The following GNAI1 variants were observed in gnomAD, a reference collection of about 807,000 sequenced individuals.
GNAI1 encodes guanine nucleotide-binding protein G(i) subunit alpha-1.
Under a neutral mutation model 38.9 loss-of-function variants are expected in GNAI1, and 11 were observed. The observed-to-expected ratio is 0.28, with a 90% CI of 0.18 to 0.47. The LOEUF (loss-of-function observed/expected upper bound fraction) is 0.47. Ranked by LOEUF, GNAI1 falls within the 20% of genes least tolerant of loss-of-function variation. GNAI1 has a pLI of 0.99. For synonymous variants in GNAI1, 166 were observed against 145.1 expected (o/e 1.14, Z -1.04); for missense variants, 317 against 436.9 (o/e 0.73, Z 2.45).
intron 5 of GNAI1, among the ~76,000 whole-genome samples, chr7:80,208,205 G>A (rs910173426): frequency 6.6e-6 from 1 of 152,040 alleles, no homozygotes; most frequent in African/African-American, 2.4e-5. Flanking sequence ...CATTTCCTAT[G>A]TGATGTTGGT....
intron 1 of GNAI1, among the ~76,000 whole-genome samples, chr7:80,137,285 T>C (rs111482819): frequency 0.013 from 825 of 65,348 alleles, 10 homozygotes; most frequent in Non-Finnish European, 0.029. Flanking sequence ...TATTTCTTTT[T>C]CTTTTTTCTT....
At chr7:80,200,928 C>T (rs188538128) in intron 4 of GNAI1, among the ~76,000 whole-genome samples, 4 of 152,210 alleles carry the variant, frequency 2.6e-5, no homozygotes, top group Admixed American at 2.0e-4. Flanking sequence ...TTAGGTACTC[C>T]TAATGTACTT....
At chr7:80,149,839 T>G (rs569984989) in intron 1 of GNAI1, among the ~76,000 whole-genome samples, 192 of 152,312 alleles carry the variant, frequency 1.3e-3, no homozygotes, top group African/African-American at 4.5e-3. Context: ...TTACATAATT[T>G]TATATGCCTT....
chr7:80,192,249 C>T (rs1054277913), intron 3 of GNAI1, among the ~76,000 whole-genome samples: 36 of 152,128 alleles, frequency 2.4e-4, no homozygotes, highest in African/African-American at 7.9e-4. Flanking sequence ...TTTAAATTCT[C>T]TTATTTTTTT....
At chr7:80,197,179 GAT>G (rs769927215) in intron 3 of GNAI1, among the ~76,000 whole-genome samples, 4 of 109,304 alleles carry the variant, frequency 3.7e-5, no homozygotes, top group African/African-American at 3.1e-5. Flanking sequence ...TGTTTCTGTG[GAT>G]TTTTTTTTTT....
intron 1 of GNAI1, among the ~76,000 whole-genome samples, chr7:80,138,726 C>G (rs1299986639): frequency 6.6e-6 from 1 of 152,092 alleles, no homozygotes; most frequent in Non-Finnish European, 1.5e-5. Context: ...ATTTTCTGTT[C>G]CAAAGCTTTG....
At chr7:80,152,167 G>C (rs958447454) in intron 1 of GNAI1, among the ~76,000 whole-genome samples, 5 of 152,280 alleles carry the variant, frequency 3.3e-5, no homozygotes, top group Middle Eastern at 3.4e-3. Context: ...CATACTGCTA[G>C]TACGTGGCCA....
chr7:80,158,032 ATT>A (rs938813204), intron 1 of GNAI1, among the ~76,000 whole-genome samples: 1 of 151,942 alleles, frequency 6.6e-6, no homozygotes, highest in African/African-American at 2.4e-5. Flanking sequence ...TTATACGCTT[ATT>A]TTCCATCTGC....
rs1009766496 is a variant in GNAI1 at position 80,220,476 on chromosome 7, T to A, written c.*2983T>A. Among the ~76,000 whole-genome samples, 1 of 152,222 alleles carries A rather than the reference T, an allele frequency of 6.6e-6. No homozygotes were observed. Among genetic ancestry groups the A allele is most frequent in the Admixed American group, 6.5e-5 (1 of 15,284 alleles). ...TAGAGCTGCCAATCGCATTTCTTAC[T>A]TCTCCGTCTCTAGGCTTAGACCTGA... On this transcript the variant is annotated 3_prime_UTR_variant, in exon 8 of 8. Coordinates refer to ENST00000649796, the MANE Select transcript of GNAI1 (RefSeq NM_002069.6).
At chr7:80,162,004 C>T (rs78423795) in intron 1 of GNAI1, among the ~76,000 whole-genome samples, 5,170 of 152,066 alleles carry the variant, frequency 0.034, 191 homozygotes, top group East Asian at 0.18. Context: ...TGTGTCCCTC[C>T]GAAATTGTAT....
At chr7:80,161,488 A>G (rs746447234) in intron 1 of GNAI1, among the ~76,000 whole-genome samples, 1 of 152,154 alleles carries the variant, frequency 6.6e-6, no homozygotes, top group Non-Finnish European at 1.5e-5. Flanking sequence ...AATGTCAACT[A>G]TTTTACCACT....
At chr7:80,155,300 GTTT>G (rs892897610) in intron 1 of GNAI1, among the ~76,000 whole-genome samples, 1 of 151,964 alleles carries the variant, frequency 6.6e-6, no homozygotes, top group East Asian at 1.9e-4. Flanking sequence ...ACATTGAATT[GTTT>G]TTTTCTTACA....
intron 1 of GNAI1, among the ~76,000 whole-genome samples, chr7:80,181,677 A>G (rs569224256): frequency 6.6e-6 from 1 of 152,168 alleles, no homozygotes; most frequent in African/African-American, 2.4e-5. Context: ...GCATTCATTC[A>G]TTTTTTTAAA....
At position 80,222,084 on chromosome 7, in the gene GNAI1, A is replaced by G. The variant is rs1026057928; in HGVS notation, c.*4591A>G. On this transcript the variant is annotated 3_prime_UTR_variant, in exon 8 of 8. Coordinates refer to ENST00000649796, the MANE Select transcript of GNAI1 (RefSeq NM_002069.6). ...ACTGTTTGCTTTGGTGTCTGTTGTG[A>G]TTTCTCTTATTTAGTTGGATTTTGT... Among the ~76,000 whole-genome samples the G allele has an allele frequency of 1.3e-5, 2 of 151,682 alleles. No individual in the cohort carries two copies. The highest frequency in any genetic ancestry group is 2.9e-5 in the Non-Finnish European group (2 of 67,948).
At chr7:80,142,522 T>G (rs908115643) in intron 1 of GNAI1, among the ~76,000 whole-genome samples, 2 of 152,268 alleles carry the variant, frequency 1.3e-5, no homozygotes, top group African/African-American at 4.8e-5. Context: ...TTATTGTCTG[T>G]TGCCTTTCTC....
chr7:80,151,960 A>T (rs1787734534), intron 1 of GNAI1, among the ~76,000 whole-genome samples: 1 of 152,208 alleles, frequency 6.6e-6, no homozygotes, highest in Non-Finnish European at 1.5e-5. Context: ...TTCAGCTATT[A>T]AAGGGCACAA....
intron 1 of GNAI1, among the ~76,000 whole-genome samples, chr7:80,186,835 AG>A (rs1788393827): frequency 6.6e-6 from 1 of 152,208 alleles, no homozygotes; most frequent in Non-Finnish European, 1.5e-5. Flanking sequence ...GAAACTGCCT[AG>A]GTTATATTGC....
At position 80,225,977 on chromosome 7, in the gene GNAI1, T is replaced by C. The variant is rs1206171066; in HGVS notation, c.*8484T>C. ...TACTATATTGGAATATGGGAATAAA[T>C]TCATTTATAATTAGTTGAAATTGTC... is the stretch of plus-strand genomic sequence containing the variant. On this transcript the variant is annotated 3_prime_UTR_variant, in exon 8 of 8. Transcript: ENST00000649796. 2.9e-4 allele frequency among the ~76,000 whole-genome samples: 44 copies of C among 152,190 alleles called. 1 individual carries two copies. The highest frequency in any genetic ancestry group is 2.9e-3 in the Admixed American group (44 of 15,270).
chr7:80,202,144 C>T (rs1788698101), intron 4 of GNAI1, among the ~76,000 whole-genome samples: 1 of 152,018 alleles, frequency 6.6e-6, no homozygotes. Flanking sequence ...GGCTGGAGTG[C>T]AGTGACGTGA....
Sources: gnomAD v4.1 joint callset for allele counts (sites outside exome capture counted in the v4.1 genomes callset) on GRCh38, gnomAD v4.1.1 for gene constraint, MANE v1.5 for transcripts, NCBI Gene and HGNC (gene_info 2026-07-23, HGNC 2026-07-21) for gene names.